The following UGGT1 variants were observed in gnomAD, a reference collection of about 807,000 sequenced individuals.
UGGT1 encodes the protein UDP-glucose:glycoprotein glucosyltransferase 1.
UGGT1 carries 107 observed loss-of-function variants against 203.9 expected under a neutral mutation model. That is an observed-to-expected ratio of 0.52 (90% CI 0.45 to 0.62). The LOEUF (loss-of-function observed/expected upper bound fraction) is 0.62. Ranked by LOEUF, UGGT1 falls within the 20% of genes least tolerant of loss-of-function variation. The pLI, the probability that UGGT1 is intolerant of heterozygous loss-of-function variation, is 0.00. For missense variants in UGGT1, 1,673 were observed against 1,867.2 expected (o/e 0.90, Z 1.92); for synonymous variants, 628 against 653.5 (o/e 0.96, Z 0.59).
At chr2:128,173,585 G>T (rs1691225097) in intron 29 of UGGT1, among the ~76,000 whole-genome samples, 196 bp from the exon 30 acceptor site, 1 of 152,028 alleles carries the variant, frequency 6.6e-6, no homozygotes, top group Admixed American at 6.5e-5. Flanking sequence ...GCAGACAGTA[G>T]CCTCCTCTCG....
At chr2:128,112,070 G>A (rs1165889150) in intron 5 of UGGT1, among the ~76,000 whole-genome samples, 1 of 151,282 alleles carries the variant, frequency 6.6e-6, no homozygotes, top group Non-Finnish European at 1.5e-5. Flanking sequence ...GCGATCACGC[G>A]ACTGTGCTCT....
At chr2:128,112,454 T>TTTTA (rs149422257) in intron 5 of UGGT1, among the ~76,000 whole-genome samples, 12 of 55,782 alleles carry the variant, frequency 2.2e-4, no homozygotes, top group Admixed American at 5.0e-4. Context: ...AAATACTATG[T>TTTTA]TATATATATA....
At chr2:128,171,087 G>T (rs1490998544) in intron 27 of UGGT1, 118 bp from the exon 28 acceptor site, 8 of 918,264 alleles carry the variant, frequency 8.7e-6, no homozygotes, top group Non-Finnish European at 1.3e-5. Context: ...TTTCGCCAGT[G>T]CAGACTCTGT....
chr2:128,184,583 G>C (rs528980383), intron 38 of UGGT1, among the ~76,000 whole-genome samples: 2 of 152,228 alleles, frequency 1.3e-5, no homozygotes, highest in African/African-American at 4.8e-5. Flanking sequence ...TTTCTTTATA[G>C]ATTTACTGTT....
At chr2:128,183,845 A>C in intron 38 of UGGT1, 56 bp downstream of exon 38, 1 of 1,379,750 alleles carries the variant, frequency 7.2e-7, no homozygotes, top group South Asian at 1.2e-5. Context: ...GTGTTGCATC[A>C]GAAAATGAAG....
intron 2 of UGGT1, among the ~76,000 whole-genome samples, chr2:128,099,097 A>G (rs2105336119): frequency 6.6e-6 from 1 of 152,272 alleles, no homozygotes; most frequent in East Asian, 1.9e-4. Flanking sequence ...ACATCACTCC[A>G]ATCAGCCTTG....
At chr2:128,178,117 G>A (rs907839996) in intron 33 of UGGT1, among the ~76,000 whole-genome samples, 197 bp downstream of exon 33, 2 of 152,164 alleles carry the variant, frequency 1.3e-5, no homozygotes, top group Admixed American at 1.3e-4. Context: ...TCTCCTAGTG[G>A]GGAAGTTACT....
intron 1 of UGGT1, chr2:128,091,625 C>G: frequency 7.0e-7 from 1 of 1,427,654 alleles, no homozygotes; most frequent in African/African-American, 1.5e-5. Flanking sequence ...TGGCGGCGGG[C>G]TCTGTTCAGC....
intron 4 of UGGT1, among the ~76,000 whole-genome samples, chr2:128,109,201 A>G (rs1454927097): frequency 6.7e-6 from 1 of 150,196 alleles, no homozygotes; most frequent in Non-Finnish European, 1.5e-5. Context: ...CTGTTTTTGC[A>G]TTTATTGATT....
At position 128,118,301 on chromosome 2, in the gene UGGT1, T is replaced by C. The variant is rs940015911; in HGVS notation, c.872+1958T>C. On this transcript the variant is annotated intron_variant, in intron 8 of 40. Transcript: ENST00000259253. ...ATTTTTTCGAGACAGGGCTTTGCTC[T>C]GTCACTCAGACTGGAGAGCAGTGGC... Among the ~76,000 whole-genome samples the C allele has an allele frequency of 3.3e-5, 5 of 152,192 alleles. 1 individual carries two copies. The highest frequency in any genetic ancestry group is 7.3e-5 in the Non-Finnish European group (5 of 68,038).
chr2:128,134,749 C>A lies in UGGT1; in HGVS notation c.1498-127C>A. ...GGTAGCTGCTATGTGTGTAATTCAT[C>A]TTTTATGTGGTTCAAGCGTAGCTCG... On this transcript the variant is annotated intron_variant, in intron 14 of 40. Coordinates refer to ENST00000259253, the MANE Select transcript of UGGT1 (RefSeq NM_020120.4). 3 of 735,570 alleles carry A rather than the reference C, an allele frequency of 4.1e-6. 1 individual carries two copies. Among genetic ancestry groups the A allele is most frequent in the South Asian group, 3.3e-5 (2 of 60,286 alleles). The allele number at this position is 735,570 out of a possible 1,614,324, so 45.6% of individuals were successfully genotyped here. A position where few individuals can be genotyped will look rare whatever the true frequency, so the allele number is the denominator to read the frequency against.
rs149422257 is a variant in UGGT1, at chr2:128,112,454, T to TTTTATATATATATATATA, written c.522-629_522-628insTTATATATATATATATAT. Among the ~76,000 whole-genome samples the TTTTATATATATATATATA allele has an allele frequency of 1.6e-4, 9 of 55,804 alleles. 1 individual carries two copies. Among genetic ancestry groups the TTTTATATATATATATATA allele is most frequent in the African/African-American group, 2.6e-4 (5 of 18,908 alleles). The allele number at this position is 55,804 out of a possible 152,430, so 36.6% of individuals were successfully genotyped here. On this transcript the variant is annotated intron_variant, in intron 5 of 40. Transcript: ENST00000259253. ...AAAAAACCCCCCAAAAAATACTATG[T>TTTTATATATATATATATA]TATATATATATATATATATTACATA...
rs1692170081 is a variant in UGGT1, at chr2:128,189,891, T to G, written c.*149T>G. 1 of 798,086 alleles carries G rather than the reference T, an allele frequency of 1.3e-6. No individual in the cohort carries two copies. Among genetic ancestry groups the G allele is most frequent in the Non-Finnish European group, 2.0e-6 (1 of 505,490 alleles). 49.4% of individuals were successfully genotyped at this position (798,086 alleles called of 1,614,324 possible). ...ATTCTGAGCATTTGATTCTGACTTCTGTACTCTGGTGGCCACTGGATCTTT... is the reference window on the plus strand; with the variant it reads ...ATTCTGAGCATTTGATTCTGACTTCGGTACTCTGGTGGCCACTGGATCTTT... On this transcript the variant is annotated 3_prime_UTR_variant, in exon 41 of 41. Coordinates refer to ENST00000259253, the MANE Select transcript of UGGT1 (RefSeq NM_020120.4).
intron 17 of UGGT1, 183 bp from the exon 18 acceptor site, chr2:128,145,620 A>G (rs1186220455): frequency 5.0e-6 from 3 of 601,132 alleles, no homozygotes; most frequent in Admixed American, 7.5e-5. Context: ...TCAGATTTAC[A>G]TAGTAGGATA....
chr2:128,155,583 G>C lies in UGGT1; in HGVS notation c.2232G>C (p.Lys744Asn). The change falls in exon 20 of 41, where the codon AAG becomes AAC. Residue 744 changes from lysine (K) to asparagine (N), a missense_variant. Lys to Asn is a moderately conservative substitution (Grantham distance 94, BLOSUM62 0). Coordinates refer to ENST00000259253, the MANE Select transcript of UGGT1 (RefSeq NM_020120.4). ...CCAATAGTATGAACTATCTGACAAAGAAAGGTAATCCATTTGAGGCTTATT... is the reference window on the plus strand; with the variant it reads ...CCAATAGTATGAACTATCTGACAAACAAAGGTAATCCATTTGAGGCTTATT... ...AVANSMNYLT[K>N]KGMSSKEIYD... is the part of the protein sequence containing the mutation. 1 of 1,609,928 alleles carries C rather than the reference G, an allele frequency of 6.2e-7. No homozygotes were observed. The highest frequency in any genetic ancestry group is 8.5e-7 in the Non-Finnish European group (1 of 1,178,528).
At chr2:128,103,045 A>G (rs1687450427) in intron 2 of UGGT1, 1 of 470,746 alleles carries the variant, frequency 2.1e-6, no homozygotes, top group African/African-American at 2.0e-5. Context: ...TTACCAGGAA[A>G]TGTTTCTTAT....
At chr2:128,138,045 G>T (rs1288152738) in intron 15 of UGGT1, among the ~76,000 whole-genome samples, 1 of 150,924 alleles carries the variant, frequency 6.6e-6, no homozygotes, top group African/African-American at 2.4e-5. Flanking sequence ...CCCCCTTTCT[G>T]TTTACTTTGA....
intron 2 of UGGT1, among the ~76,000 whole-genome samples, chr2:128,103,338 C>G (rs948018519): frequency 6.6e-6 from 1 of 151,906 alleles, no homozygotes; most frequent in South Asian, 2.1e-4. Context: ...AGGATAAAGT[C>G]GAAAAAAATT....
chr2:128,121,091 G>A (rs1688360929), intron 9 of UGGT1, 108 bp from the exon 10 acceptor site: 1 of 1,035,488 alleles, frequency 9.7e-7, no homozygotes, highest in Non-Finnish European at 1.5e-6. Context: ...TGCATTCGAA[G>A]ATATTCTTAA....
Sources: allele counts gnomAD v4.1 joint callset (sites outside exome capture counted in the v4.1 genomes callset), GRCh38; gene constraint gnomAD v4.1.1; transcripts MANE v1.5; gene names NCBI Gene and HGNC (gene_info 2026-07-23, HGNC 2026-07-21).